Variants in RASSF3 observed in about 807,000 individuals in gnomAD.
RASSF3 encodes the protein ras association domain-containing protein 3.
RASSF3 carries 19 observed loss-of-function variants against 19.9 expected under a neutral mutation model. The ratio of observed to expected loss-of-function variants is 0.96; its 90% CI spans 0.67 to 1.40. RASSF3 has a LOEUF of 1.40. Among genes scored for constraint, RASSF3 ranks in the 40% most tolerant of loss-of-function variants. The pLI, the probability that RASSF3 is intolerant of heterozygous loss-of-function variation, is 0.00. For synonymous variants in RASSF3, 110 were observed against 104.2 expected (o/e 1.06, Z -0.34); for missense variants, 306 against 289.8 (o/e 1.06, Z -0.41).
At chr12:64,627,158 A>G (rs572874919) in intron 1 of RASSF3, among the ~76,000 whole-genome samples, 1 of 152,226 alleles carries the variant, frequency 6.6e-6, no homozygotes, top group Non-Finnish European at 1.5e-5. Flanking sequence ...GACTACTAAA[A>G]AATGGTTTTC....
chr12:64,587,215 C>T (rs970433527), intron 2 of RASSF3, among the ~76,000 whole-genome samples: 6 of 151,660 alleles, frequency 4.0e-5, no homozygotes, highest in East Asian at 2.0e-4. Flanking sequence ...CCACCATGCC[C>T]GGCTAATTTT....
intron 4 of RASSF3, among the ~76,000 whole-genome samples, chr12:64,692,319 C>T (rs781184991): frequency 5.9e-5 from 9 of 152,184 alleles, no homozygotes; most frequent in Admixed American, 2.0e-4. Flanking sequence ...TAGGAAACGG[C>T]TCTGTTTCCT....
intron 2 of RASSF3, among the ~76,000 whole-genome samples, chr12:64,566,248 G>A (rs932078370): frequency 6.6e-6 from 1 of 152,182 alleles, no homozygotes; most frequent in Admixed American, 6.5e-5. Flanking sequence ...AGAGAGGAGA[G>A]AAGGTTTTCT....
At chr12:64,692,292 G>A (rs1868297769) in intron 4 of RASSF3, among the ~76,000 whole-genome samples, 1 of 152,136 alleles carries the variant, frequency 6.6e-6, no homozygotes. Context: ...TGAGAATAGG[G>A]TTTCTAGGTT....
At chr12:64,669,053 C>G (rs1445652457) in intron 1 of RASSF3, among the ~76,000 whole-genome samples, 1 of 152,102 alleles carries the variant, frequency 6.6e-6, no homozygotes, top group East Asian at 1.9e-4. Context: ...TTACACAAAC[C>G]CTAGAAAAAC....
chr12:64,565,470 T>TG (rs1869413360), intron 2 of RASSF3, among the ~76,000 whole-genome samples: 1 of 152,116 alleles, frequency 6.6e-6, no homozygotes, highest in Non-Finnish European at 1.5e-5. Flanking sequence ...CCCAGCACTT[T>TG]GGGAGACCGA....
chr12:64,664,741 A>C (rs1872490593), intron 1 of RASSF3, among the ~76,000 whole-genome samples: 1 of 152,202 alleles, frequency 6.6e-6, no homozygotes, highest in Admixed American at 6.5e-5. Context: ...CAAAAAACAA[A>C]AATGAAGCCA....
chr12:64,535,104 T>G (rs1170128687), intron 1 of RASSF3, among the ~76,000 whole-genome samples: 1 of 151,298 alleles, frequency 6.6e-6, no homozygotes, highest in Non-Finnish European at 1.5e-5. Flanking sequence ...GGAAAGTACC[T>G]TTTAATATAG....
At chr12:64,597,257 C>T (rs960925600) in intron 2 of RASSF3, among the ~76,000 whole-genome samples, 12 of 151,728 alleles carry the variant, frequency 7.9e-5, no homozygotes, top group African/African-American at 1.9e-4. Context: ...CTCAGCCCCT[C>T]GAGTAGCTGG....
intron 1 of RASSF3, among the ~76,000 whole-genome samples, chr12:64,509,493 A>T (rs1053828749): frequency 2.0e-5 from 3 of 152,150 alleles, no homozygotes; most frequent in African/African-American, 7.2e-5. Flanking sequence ...AGAAGGTTAG[A>T]TACCTTAACC....
intron 2 of RASSF3, among the ~76,000 whole-genome samples, chr12:64,565,667 C>G (rs1379669792): frequency 6.6e-6 from 1 of 151,962 alleles, no homozygotes; most frequent in Admixed American, 6.6e-5. Context: ...GAGCCAAGAT[C>G]ACGCCATTGC....
rs1870316562 is a variant in RASSF3, at chr12:64,610,668, C to G, written c.36C>G (p.Ala12=). The G allele has an allele frequency of 3.8e-6, 6 of 1,592,356 alleles. No individual in the cohort carries two copies. Among genetic ancestry groups the G allele is most frequent in the Non-Finnish European group, 5.1e-6 (6 of 1,171,552 alleles). The change falls in exon 1 of 5, where the codon GCC becomes GCG. Residue 12 remains alanine (A), a synonymous_variant. Transcript: ENST00000542104. ...SSGYSSLEED[A]EDFFFTARTS... ...GCTACAGCAGCCTGGAGGAGGACGC[C>G]GAGGACTTCTTCTTCACCGCCAGGA...
At chr12:64,646,632 G>A (rs940139969) in intron 1 of RASSF3, among the ~76,000 whole-genome samples, 1 of 152,066 alleles carries the variant, frequency 6.6e-6, no homozygotes, top group Non-Finnish European at 1.5e-5. Flanking sequence ...GTCTAATTAT[G>A]CTTATGTTCT....
In RASSF3 at chr12:64,619,796, A is replaced by G. The variant is rs867549162; in HGVS notation, c.111+9053A>G. The stretch of plus-strand genomic sequence containing the variant: ...GGAGTTCAAGACTAACCTGGCCAAT[A>G]TAGTGAAACCCCGTCTCTACTAAAA... On this transcript the variant is annotated intron_variant, in intron 1 of 4. Coordinates refer to ENST00000542104, the MANE Select transcript of RASSF3 (RefSeq NM_178169.4). Among the ~76,000 whole-genome samples, 3 of 152,068 alleles carry G rather than the reference A, an allele frequency of 2.0e-5. No homozygotes were observed. In the South Asian group the frequency reaches 6.2e-4, roughly 31 times the overall value.
intron 1 of RASSF3, among the ~76,000 whole-genome samples, chr12:64,678,624 A>G (rs903054512): frequency 3.7e-5 from 5 of 134,332 alleles, no homozygotes; most frequent in Admixed American, 7.8e-5. Context: ...AAAGGTCTTT[A>G]TTTTTTAAAG....
chr12:64,567,268 A>G (rs1036067809), intron 2 of RASSF3, among the ~76,000 whole-genome samples: 2 of 152,144 alleles, frequency 1.3e-5, no homozygotes, highest in African/African-American at 4.8e-5. Flanking sequence ...TCACAGTCAC[A>G]GCAGCAACTC....
chr12:64,617,851 C>T (rs1311605282), intron 1 of RASSF3, among the ~76,000 whole-genome samples: 1 of 152,198 alleles, frequency 6.6e-6, no homozygotes, highest in African/African-American at 2.4e-5. Flanking sequence ...GCTACCGTGC[C>T]CGGCCCTATA....
chr12:64,580,547 G>A (rs982349139), intron 2 of RASSF3, among the ~76,000 whole-genome samples: 10 of 150,066 alleles, frequency 6.7e-5, no homozygotes, highest in Non-Finnish European at 7.4e-5. Flanking sequence ...CTGGGGGATA[G>A]AATGAGACCT....
intron 1 of RASSF3, among the ~76,000 whole-genome samples, chr12:64,525,209 G>A (rs7137156): frequency 0.012 from 1,767 of 152,296 alleles, 13 homozygotes; most frequent in Middle Eastern, 0.027. Flanking sequence ...CTGGAAAGCC[G>A]CGGTTGCAGT....
Sources: allele counts gnomAD v4.1 joint callset (sites outside exome capture counted in the v4.1 genomes callset), GRCh38; gene constraint gnomAD v4.1.1; transcripts MANE v1.5; gene names NCBI Gene and HGNC (gene_info 2026-07-23, HGNC 2026-07-21).